PHTF1: variants seen among roughly 807,000 people sequenced by gnomAD.
PHTF1 encodes protein PHTF1.
In PHTF1, 88 loss-of-function variants were observed where a neutral mutation model predicts 102.4. The ratio of observed to expected loss-of-function variants is 0.86; its 90% CI spans 0.72 to 1.03. PHTF1 has a LOEUF of 1.03. Among genes scored for constraint, PHTF1 ranks in the 50% least tolerant of loss-of-function variants. PHTF1 has a pLI of 0.00. For missense variants in PHTF1, 814 were observed against 909.5 expected (o/e 0.89, Z 1.35); for synonymous variants, 289 against 305.2 (o/e 0.95, Z 0.55).
Position 113,724,810 on chromosome 1 carries a change from A to G in PHTF1, c.572T>C (p.Leu191Ser), listed in dbSNP as rs1278254442. The G allele has an allele frequency of 1.9e-6, 3 of 1,612,100 alleles. No homozygotes were observed. The Admixed American group carries it at 5.0e-5, about 27-fold the overall frequency. The part of the protein sequence containing the change: ...SSDKVRGIET[L>S]ESVPIIGGFW... The stretch of plus-strand genomic sequence containing the variant: ...ACCACCAATAATGGGTACAGATTCC[A>G]AAGTTTCTATTCCTCTGACTTTATC... Residue 191 changes from leucine to serine, a missense_variant, in exon 7 of 19, where the codon TTG (leucine) becomes TCG (serine). Leu to Ser is a moderately radical substitution (Grantham distance 145). Coordinates refer to ENST00000369604, the MANE Select transcript of PHTF1 (RefSeq NM_001323043.2).
Position 113,706,012 on chromosome 1 carries a change from A to G in PHTF1, c.1549T>C (p.Phe517Leu). 1.2e-6 allele frequency: 2 copies of G among 1,614,180 alleles called. No homozygotes were observed. Among genetic ancestry groups the G allele is most frequent in the Non-Finnish European group, 8.5e-7 (1 of 1,180,010 alleles). The change falls in exon 13 of 19, where the codon TTT (phenylalanine) becomes CTT (leucine). Residue 517 changes from phenylalanine to leucine, a missense_variant. Coordinates refer to ENST00000369604, the MANE Select transcript of PHTF1 (RefSeq NM_001323043.2). ...GGTGTAACAGGTGGTGCCCCACAAAAGAGAGTCAAGATCTCCTCAGCTGAA... is the reference window on the plus strand; with the variant it reads ...GGTGTAACAGGTGGTGCCCCACAAAGGAGAGTCAAGATCTCCTCAGCTGAA... The part of the protein sequence containing the change: ...SISAEEILTL[F>L]CGAPPVTPII...
Position 113,759,222 on chromosome 1 carries a change from G to A in PHTF1, c.-230C>T, listed in dbSNP as rs977035450. ...GGCAGCCGGCCGCCCAGCGCCCTGA[G>A]GGCGGCAAATCGATCGCCGGTCAGA... On this transcript the variant is annotated 5_prime_UTR_variant, in exon 1 of 19. Coordinates refer to ENST00000369604, the MANE Select transcript of PHTF1 (RefSeq NM_001323043.2). 1 of 352,612 alleles carries A rather than the reference G, an allele frequency of 2.8e-6. No individual in the cohort carries two copies. The highest frequency in any genetic ancestry group is 2.2e-5 in the African/African-American group (1 of 45,280). The allele number at this position is 352,612 out of a possible 1,614,324, so 21.8% of individuals were successfully genotyped here.
chr1:113,757,756 C>T lies in PHTF1; in HGVS notation c.46-1G>A. ...ATATCTGCTGATCGTAGGCTCCAAT[C>T]TGAAAGAGGGAGTAGTCTATTAGTT... On this transcript the variant is annotated splice_acceptor_variant, in intron 2 of 18. Transcript: ENST00000369604. LOFTEE classifies it high-confidence loss of function. 2 of 1,588,544 alleles carry T rather than the reference C, an allele frequency of 1.3e-6. No homozygotes were observed. Among genetic ancestry groups the T allele is most frequent in the East Asian group, 4.5e-5 (2 of 44,744 alleles).
intron 3 of PHTF1, among the ~76,000 whole-genome samples, chr1:113,752,530 A>ACAGGC (rs1658253899): frequency 6.7e-6 from 1 of 149,206 alleles, no homozygotes; most frequent in Non-Finnish European, 1.5e-5. Context: ...CCTCCCCAGT[A>ACAGGC]GCCTGCAACC....
At chr1:113,703,218 T>C (rs377746875) in intron 15 of PHTF1, among the ~76,000 whole-genome samples, 1 of 152,298 alleles carries the variant, frequency 6.6e-6, no homozygotes, top group East Asian at 1.9e-4. Flanking sequence ...ATCTTGTCAA[T>C]GTGCTAATGG....
chr1:113,746,687 A>T (rs1306058470), intron 3 of PHTF1, among the ~76,000 whole-genome samples: 1 of 152,180 alleles, frequency 6.6e-6, no homozygotes, highest in African/African-American at 2.4e-5. Flanking sequence ...CTCTAAATCT[A>T]CCTATCGCAT....
At position 113,699,704 on chromosome 1, in the gene PHTF1, T is replaced by G; in HGVS notation, c.2142A>C (p.Lys714Asn). 1.5e-6 allele frequency: 2 copies of G among 1,320,330 alleles called. No homozygotes were observed. The highest frequency in any genetic ancestry group is 2.2e-6 in the Non-Finnish European group (2 of 927,390). The allele number at this position is 1,320,330 out of a possible 1,614,324, so 81.8% of individuals were successfully genotyped here. A position where few individuals can be genotyped will look rare whatever the true frequency, so the allele number is the denominator to read the frequency against. Residue 714 changes from lysine (K) to asparagine (N), a missense_variant and splice_region_variant, in exon 17 of 19, where the codon AAA (lysine) becomes AAC (asparagine). Lys to Asn is a moderately conservative substitution (Grantham distance 94, BLOSUM62 0). Transcript: ENST00000369604. ...AAGTGTATCATAGCCTATGACTTAC[T>G]TTCAACAACTTGGTGGACAGCTTTA... ...NVLKLSTKLL[K>N]ELDTPFRLYG...
intron 5 of PHTF1, among the ~76,000 whole-genome samples, chr1:113,732,792 T>C (rs761155395): frequency 5.3e-5 from 8 of 152,128 alleles, no homozygotes; most frequent in Non-Finnish European, 1.2e-4. Flanking sequence ...TAATAATAAA[T>C]GTGTGGAAAA....
At chr1:113,748,503 C>T (rs1657551440) in intron 3 of PHTF1, among the ~76,000 whole-genome samples, 1 of 151,926 alleles carries the variant, frequency 6.6e-6, no homozygotes, top group African/African-American at 2.4e-5. Flanking sequence ...TATCTTCTAA[C>T]TTTTCCACTG....
At chr1:113,705,095 A>T (rs1316414372) in intron 13 of PHTF1, among the ~76,000 whole-genome samples, 4 of 152,202 alleles carry the variant, frequency 2.6e-5, no homozygotes, top group Non-Finnish European at 5.9e-5. Context: ...CACAAACTCA[A>T]ATGTTTATAC....
At chr1:113,755,918 T>C (rs1658796734) in intron 3 of PHTF1, among the ~76,000 whole-genome samples, 1 of 151,010 alleles carries the variant, frequency 6.6e-6, no homozygotes, top group Non-Finnish European at 1.5e-5. Flanking sequence ...GTACAAAAAA[T>C]TAGCTGGGCA....
chr1:113,745,269 A>C (rs1343767736), intron 3 of PHTF1, among the ~76,000 whole-genome samples: 2 of 152,136 alleles, frequency 1.3e-5, no homozygotes, highest in Non-Finnish European at 2.9e-5. Flanking sequence ...GAAGTCAGGA[A>C]ACAGTTTTAA....
rs1653847619 is a variant in PHTF1 at position 113,726,466 on chromosome 1, G to A, written c.440C>T (p.Ser147Phe). The stretch of plus-strand genomic sequence containing the variant: ...TCCTGATGGTCTTGTTATCTGAGTA[G>A]ACACAATTTGACAGTGGACAGTTCC... ...LMGTVHCQIVSTQITRPSGNN... is the reference protein window; with the variant it reads ...LMGTVHCQIVFTQITRPSGNN... Residue 147 changes from serine (S) to phenylalanine (F), a missense_variant, in exon 6 of 19, where the codon TCT becomes TTT. By Grantham distance (155) the Ser-to-Phe change is radical. Transcript: ENST00000369604. 3 of 1,610,894 alleles carry A rather than the reference G, an allele frequency of 1.9e-6. No individual in the cohort carries two copies. The highest frequency in any genetic ancestry group is 2.5e-6 in the Non-Finnish European group (3 of 1,178,378).
At chr1:113,741,051 A>G (rs1656272143) in intron 3 of PHTF1, among the ~76,000 whole-genome samples, 1 of 152,222 alleles carries the variant, frequency 6.6e-6, no homozygotes, top group Non-Finnish European at 1.5e-5. Flanking sequence ...AAATAAAAAT[A>G]AAATAATTTG....
At chr1:113,737,351 T>C (rs1319170630) in intron 5 of PHTF1, among the ~76,000 whole-genome samples, 5 of 152,232 alleles carry the variant, frequency 3.3e-5, no homozygotes, top group Non-Finnish European at 5.9e-5. Flanking sequence ...AAGATACCAA[T>C]TAAATCTCCA....
At position 113,706,638 on chromosome 1, in the gene PHTF1, T is replaced by C. The variant is rs577100506; in HGVS notation, c.1354A>G (p.Met452Val). 4 of 1,611,944 alleles carry C rather than the reference T, an allele frequency of 2.5e-6. No individual in the cohort carries two copies. In the African/African-American group the frequency reaches 4.0e-5, roughly 16 times the overall value. ...IIWEGNECKK[M>V]DMSVLEISGI... The stretch of plus-strand genomic sequence containing the variant: ...CTTATTTCCAACACAGACATATCCA[T>C]CTTTTTGCACTCATTCCCCTCCCAG... The change falls in exon 12 of 19, where the codon ATG becomes GTG. Residue 452 changes from methionine (M) to valine (V), a missense_variant. By Grantham distance (21) the Met-to-Val change is conservative. Transcript: ENST00000369604.
chr1:113,746,677 C>T (rs1268672708), intron 3 of PHTF1, among the ~76,000 whole-genome samples: 1 of 152,102 alleles, frequency 6.6e-6, no homozygotes, highest in Non-Finnish European at 1.5e-5. Flanking sequence ...ACTCACATAC[C>T]TCTAAATCTA....
intron 5 of PHTF1, among the ~76,000 whole-genome samples, chr1:113,733,961 T>C (rs1472230750): frequency 6.6e-6 from 1 of 152,092 alleles, no homozygotes; most frequent in Non-Finnish European, 1.5e-5. Context: ...TGGTGAGGAA[T>C]CAGAAAGAAA....
intron 7 of PHTF1, among the ~76,000 whole-genome samples, chr1:113,721,862 T>C (rs1653000555): frequency 6.6e-6 from 1 of 151,676 alleles, no homozygotes; most frequent in Non-Finnish European, 1.5e-5. Flanking sequence ...GCTAATTTTT[T>C]TTTTTGTATT....
Sources: gnomAD v4.1 joint callset for allele counts (sites outside exome capture counted in the v4.1 genomes callset) on GRCh38, gnomAD v4.1.1 for gene constraint, MANE v1.5 for transcripts, NCBI Gene and HGNC (gene_info 2026-07-23, HGNC 2026-07-21) for gene names.